Variants in CSMD1 observed in about 807,000 individuals in gnomAD.
CSMD1 encodes CUB and sushi domain-containing protein 1.
A neutral mutation model predicts 417.5 loss-of-function variants in CSMD1; 213 were observed. The observed-to-expected ratio is 0.51, with a 90% CI of 0.46 to 0.57. The LOEUF (loss-of-function observed/expected upper bound fraction) is 0.57. Among genes scored for constraint, CSMD1 ranks in the 20% least tolerant of loss-of-function variants. CSMD1 has a pLI of 0.00. For missense variants in CSMD1, 6,923 were observed against 4,529.7 expected (o/e 1.53, Z -15.17); for synonymous variants, 2,862 against 1,736.8 (o/e 1.65, Z -16.11).
intron 5 of CSMD1, among the ~76,000 whole-genome samples, chr8:3,901,422 G>A (rs1024369252): frequency 8.5e-5 from 13 of 152,158 alleles, no homozygotes; most frequent in African/African-American, 3.1e-4. Flanking sequence ...AATCCGTGCT[G>A]ATGCATTTTT....
chr8:4,933,308 C>T (rs1343669409), intron 1 of CSMD1, among the ~76,000 whole-genome samples: 1 of 152,194 alleles, frequency 6.6e-6, no homozygotes, highest in African/African-American at 2.4e-5. Flanking sequence ...ACCTGTCCAG[C>T]TGTATAATCA....
intron 10 of CSMD1, among the ~76,000 whole-genome samples, chr8:3,519,317 G>C (rs941949811): frequency 3.3e-5 from 5 of 152,096 alleles, no homozygotes; most frequent in Non-Finnish European, 7.4e-5. Context: ...TCTACTGTTA[G>C]CTCCAACCCC....
chr8:4,451,015 C>T (rs112784231), intron 2 of CSMD1, among the ~76,000 whole-genome samples: 5 of 103,792 alleles, frequency 4.8e-5, no homozygotes, highest in South Asian at 2.7e-4. Flanking sequence ...TGTTGACCAA[C>T]GTGGGGAAAA....
chr8:3,809,453 G>C (rs1394459716), intron 5 of CSMD1, among the ~76,000 whole-genome samples: 1 of 152,172 alleles, frequency 6.6e-6, no homozygotes, highest in Non-Finnish European at 1.5e-5. Flanking sequence ...CAAACTACCT[G>C]GTTCCTGGGG....
intron 31 of CSMD1, 93 bp downstream of exon 31, chr8:3,205,411 A>T: frequency 1.5e-6 from 1 of 657,952 alleles, no homozygotes. Flanking sequence ...GAAATATTTC[A>T]CTAAGCTCTA....
At chr8:3,313,643 GA>G (rs1178103065) in intron 23 of CSMD1, among the ~76,000 whole-genome samples, 1 of 152,200 alleles carries the variant, frequency 6.6e-6, no homozygotes, top group Non-Finnish European at 1.5e-5. Context: ...AGGATGTGGA[GA>G]AATAGGAACA....
intron 3 of CSMD1, among the ~76,000 whole-genome samples, chr8:4,338,944 C>T (rs1800323742): frequency 6.6e-6 from 1 of 152,076 alleles, no homozygotes; most frequent in African/African-American, 2.4e-5. Flanking sequence ...GTAAGCGTAT[C>T]TGAACATAGG....
chr8:3,835,441 C>T (rs1056438013), intron 5 of CSMD1, among the ~76,000 whole-genome samples: 2 of 151,818 alleles, frequency 1.3e-5, no homozygotes, highest in African/African-American at 4.8e-5. Context: ...AAGTGGAAAC[C>T]ATCATTCTCA....
At chr8:2,993,902 C>T (rs1292597105) in intron 54 of CSMD1, among the ~76,000 whole-genome samples, 2 of 151,142 alleles carry the variant, frequency 1.3e-5, no homozygotes, top group Non-Finnish European at 2.9e-5. Flanking sequence ...TGCAATGGCT[C>T]ACTCCTGTAA....
At chr8:4,159,935 G>C (rs867622915) in intron 3 of CSMD1, among the ~76,000 whole-genome samples, 4 of 152,040 alleles carry the variant, frequency 2.6e-5, no homozygotes, top group South Asian at 4.2e-4. Context: ...TTCGGGCCTT[G>C]AGGGGAAAGG....
chr8:4,285,849 G>C (rs1467801798), intron 3 of CSMD1, among the ~76,000 whole-genome samples: 1 of 152,120 alleles, frequency 6.6e-6, no homozygotes, highest in Admixed American at 6.5e-5. Flanking sequence ...TTTTAATCAG[G>C]AACAAAATCT....
intron 2 of CSMD1, among the ~76,000 whole-genome samples, chr8:4,569,409 C>A (rs927742108): frequency 4.6e-5 from 7 of 152,090 alleles, no homozygotes; most frequent in Admixed American, 3.9e-4. Flanking sequence ...AAATCCTTTC[C>A]CCATTGCTTG....
In CSMD1 at chr8:2,937,143, G is replaced by T. The variant is rs532665693; in HGVS notation, c.*1442C>A. ...CTACTTCATGTTTTGATTTTTATTT[G>T]CCCTGGGGATCTTATAGATTTTATT... On this transcript the variant is annotated 3_prime_UTR_variant, in exon 70 of 70. Coordinates refer to ENST00000635120, the MANE Select transcript of CSMD1 (RefSeq NM_033225.6). 6.6e-6 allele frequency: 1 copy of T among 152,142 alleles called. No homozygotes were observed. Among genetic ancestry groups the T allele is most frequent in the South Asian group, 2.1e-4 (1 of 4,824 alleles). The allele number at this position is 152,142 out of a possible 1,614,324, so 9.4% of individuals were successfully genotyped here.
intron 10 of CSMD1, among the ~76,000 whole-genome samples, chr8:3,570,715 C>G (rs1460251994): frequency 1.3e-5 from 2 of 152,076 alleles, no homozygotes; most frequent in Non-Finnish European, 2.9e-5. Context: ...TTAGTTACAG[C>G]CAAAAATACC....
chr8:3,984,951 T>C (rs1033945330), intron 5 of CSMD1, among the ~76,000 whole-genome samples: 12 of 152,006 alleles, frequency 7.9e-5, no homozygotes, highest in African/African-American at 2.7e-4. Context: ...ATTAACACTT[T>C]AGAATTTGGT....
At chr8:4,718,972 A>T (rs1027662583) in intron 1 of CSMD1, among the ~76,000 whole-genome samples, 38 of 152,176 alleles carry the variant, frequency 2.5e-4, no homozygotes, top group African/African-American at 7.7e-4. Context: ...TTATATATTG[A>T]TATGAAAAAC....
At chr8:4,295,613 G>A (rs914306848) in intron 3 of CSMD1, among the ~76,000 whole-genome samples, 8 of 142,414 alleles carry the variant, frequency 5.6e-5, no homozygotes, top group Admixed American at 4.3e-4. Context: ...ATAATCCTAA[G>A]ATTATATATA....
At chr8:3,454,887 G>A (rs1305852154) in intron 12 of CSMD1, among the ~76,000 whole-genome samples, 1 of 152,186 alleles carries the variant, frequency 6.6e-6, no homozygotes, top group Non-Finnish European at 1.5e-5. Context: ...AGTTCTCCTG[G>A]ATAACATCCT....
intron 5 of CSMD1, among the ~76,000 whole-genome samples, chr8:3,980,800 C>T (rs1332154037): frequency 1.3e-5 from 2 of 152,270 alleles, no homozygotes; most frequent in Admixed American, 1.3e-4. Context: ...GGGATACATA[C>T]CCCTTGGCCA....
Sources: allele counts gnomAD v4.1 joint callset (sites outside exome capture counted in the v4.1 genomes callset), GRCh38; gene constraint gnomAD v4.1.1; transcripts MANE v1.5; gene names NCBI Gene and HGNC (gene_info 2026-07-23, HGNC 2026-07-21).